The following ENOX2 variants were observed in gnomAD, a reference collection of about 807,000 sequenced individuals.
The protein encoded by ENOX2 is APK1 antigen.
A neutral mutation model predicts 45.0 loss-of-function variants in ENOX2; 36 were observed. That is an observed-to-expected ratio of 0.80 (90% CI 0.61 to 1.06). The LOEUF (loss-of-function observed/expected upper bound fraction) is 1.06. ENOX2 is among the 50% of genes least tolerant of loss of function. ENOX2 has a pLI of 0.00. For synonymous variants in ENOX2, 174 were observed against 152.3 expected, an observed-to-expected ratio of 1.14 and a Z score of -1.05; for missense variants, 423 against 462.5, an observed-to-expected ratio of 0.91 and a Z score of 0.78.
At chrX:130,713,490 G>A (rs1206637799) in intron 3 of ENOX2, among the ~76,000 whole-genome samples, 1 of 111,784 alleles carries the variant, frequency 8.9e-6, no homozygotes, top group African/African-American at 3.3e-5. Context: ...TTAGAGGGCT[G>A]CCTCAGCTAC....
intron 3 of ENOX2, among the ~76,000 whole-genome samples, chrX:130,728,836 C>G (rs2038667792): frequency 9.0e-6 from 1 of 111,423 alleles, no homozygotes; most frequent in African/African-American, 3.3e-5. Context: ...TTTTCTTTTT[C>G]AGGAGGTAAA....
At position 130,755,005 on chromosome X, in the gene ENOX2, C is replaced by T. The variant is rs145635378; in HGVS notation, c.-39+28542G>A. On this transcript the variant is annotated intron_variant, in intron 3 of 14. Coordinates refer to ENST00000394363, the MANE Select transcript of ENOX2 (RefSeq NM_006375.4). ...GAGAAACTAGGAGTTAAGGGACAGA[C>T]TGCATCACATAAAATATAGAGTCTG... 4.5e-4 allele frequency among the ~76,000 whole-genome samples: 50 copies of T among 112,268 alleles called. No homozygotes were observed. The East Asian group carries it at 0.011, about 24-fold the overall frequency.
rs755030776 is a variant in ENOX2 at position 130,893,734 on chromosome X, C to T, written c.-183+7950G>A. Among the ~76,000 whole-genome samples, 4 of 112,169 alleles carry T rather than the reference C, an allele frequency of 3.6e-5. No individual in the cohort carries two copies. The Admixed American group carries it at 3.8e-4, about 11-fold the overall frequency. On this transcript the variant is annotated intron_variant, in intron 2 of 14. Coordinates refer to ENST00000394363, the MANE Select transcript of ENOX2 (RefSeq NM_006375.4). ...GTTTTATATTCATGTACATCTGGTA[C>T]GTCTATCCACTTCCCATATCTGGAT...
intron 3 of ENOX2, among the ~76,000 whole-genome samples, chrX:130,731,973 A>G (rs970400780): frequency 2.7e-5 from 3 of 111,920 alleles, no homozygotes; most frequent in Non-Finnish European, 5.6e-5. Context: ...CACCACTTCT[A>G]TTCAACATAC....
At chrX:130,871,650 T>C (rs1272386316) in intron 2 of ENOX2, among the ~76,000 whole-genome samples, 2 of 110,990 alleles carry the variant, frequency 1.8e-5, no homozygotes, top group African/African-American at 6.5e-5. Context: ...TAACTAATAT[T>C]ATGTGCCTTT....
At chrX:130,844,271 C>T (rs1228435428) in intron 2 of ENOX2, among the ~76,000 whole-genome samples, 1 of 111,769 alleles carries the variant, frequency 8.9e-6, no homozygotes, top group Non-Finnish European at 1.9e-5. Flanking sequence ...TTAGTCCCTC[C>T]ACCCGCTTCC....
intron 3 of ENOX2, among the ~76,000 whole-genome samples, chrX:130,732,058 T>A (rs2038749171): frequency 8.9e-6 from 1 of 111,875 alleles, no homozygotes. Context: ...AAAGGTAAAT[T>A]ATCCCTGTTT....
rs992940653 is a variant in ENOX2 at position 130,623,425 on chromosome X, T to TTACA, written c.*1885_*1888dup. On this transcript the variant is annotated 3_prime_UTR_variant, in exon 15 of 15. Coordinates refer to ENST00000394363, the MANE Select transcript of ENOX2 (RefSeq NM_006375.4). The stretch of plus-strand genomic sequence containing the variant: ...TACATGTGCAGGATGTGCAGGTTTG[T>TTACA]TACATAGGTGAACGTGTGCCATGGT... The TTACA allele has an allele frequency of 5.4e-5, 6 of 111,031 alleles. No individual in the cohort carries two copies. The highest frequency in any genetic ancestry group is 1.6e-4 in the African/African-American group (5 of 30,435). The allele number at this position is 111,031 out of a possible 1,213,427, so 9.2% of individuals were successfully genotyped here.
intron 9 of ENOX2, among the ~76,000 whole-genome samples, chrX:130,659,705 T>C (rs1028750851): frequency 1.8e-5 from 2 of 112,499 alleles, no homozygotes; most frequent in Admixed American, 1.9e-4. Context: ...TGTAGACTAT[T>C]GGAGAGTATA....
intron 2 of ENOX2, among the ~76,000 whole-genome samples, chrX:130,831,136 G>A (rs1401735944): frequency 9.0e-6 from 1 of 110,599 alleles, no homozygotes; most frequent in African/African-American, 3.3e-5. Flanking sequence ...ATCCAGTCCT[G>A]TGGCACTAAC....
chrX:130,812,074 A>G (rs182755522), intron 2 of ENOX2, among the ~76,000 whole-genome samples: 32 of 112,160 alleles, frequency 2.9e-4, no homozygotes, highest in African/African-American at 1.0e-3. Context: ...ATGGGGTAGC[A>G]TCAATAGAGC....
At chrX:130,707,921 C>T (rs1056322980) in intron 3 of ENOX2, among the ~76,000 whole-genome samples, 2 of 111,878 alleles carry the variant, frequency 1.8e-5, no homozygotes, top group Non-Finnish European at 1.9e-5. Context: ...TGCCTGCCTT[C>T]CAGTCTTCCT....
chrX:130,843,209 T>A, intron 2 of ENOX2, among the ~76,000 whole-genome samples: 1 of 111,724 alleles, frequency 9.0e-6, no homozygotes, highest in East Asian at 2.8e-4. Flanking sequence ...ACACCCCACC[T>A]AGCTGCCCAA....
At chrX:130,632,925 AC>A (rs1342708732) in intron 12 of ENOX2, among the ~76,000 whole-genome samples, 3 of 112,088 alleles carry the variant, frequency 2.7e-5, no homozygotes, top group Non-Finnish European at 5.6e-5. Flanking sequence ...CCCCCTTAAA[AC>A]ATTAAATGAT....
chrX:130,678,261 A>T (rs1217176522), intron 6 of ENOX2, among the ~76,000 whole-genome samples: 1 of 111,385 alleles, frequency 9.0e-6, no homozygotes, highest in Non-Finnish European at 1.9e-5. Flanking sequence ...CTTCTGGGTT[A>T]GACTAATATT....
intron 3 of ENOX2, among the ~76,000 whole-genome samples, chrX:130,782,559 T>C (rs1312456118): frequency 8.9e-6 from 1 of 112,067 alleles, no homozygotes; most frequent in African/African-American, 3.2e-5. Flanking sequence ...ATTTAACAAA[T>C]ATCTTGATTT....
At chrX:130,840,244 T>C (rs1268333467) in intron 2 of ENOX2, among the ~76,000 whole-genome samples, 1 of 111,718 alleles carries the variant, frequency 9.0e-6, no homozygotes, top group African/African-American at 3.3e-5. Context: ...AAGTGAATTT[T>C]AGATGAAGTA....
At chrX:130,742,308 G>C (rs1241069363) in intron 3 of ENOX2, among the ~76,000 whole-genome samples, 1 of 78,933 alleles carries the variant, frequency 1.3e-5, no homozygotes, top group African/African-American at 5.2e-5. Flanking sequence ...TCTTTACAGT[G>C]AATCTTTCAC....
In ENOX2 at chrX:130,674,004, A is replaced by C. The variant is rs780074080; in HGVS notation, c.461-3806T>G. Among the ~76,000 whole-genome samples the C allele has an allele frequency of 3.6e-5, 4 of 112,379 alleles. No homozygotes were observed. The South Asian group carries it at 1.1e-3, about 31-fold the overall frequency. On this transcript the variant is annotated intron_variant, in intron 6 of 14. Coordinates refer to ENST00000394363, the MANE Select transcript of ENOX2 (RefSeq NM_006375.4). ...GGATGTGTGAATTTAGTAATACTTT[A>C]AAATGTAAATGCAGGCTATTATCCT...
Sources: allele counts gnomAD v4.1 joint callset (sites outside exome capture counted in the v4.1 genomes callset), GRCh38; gene constraint gnomAD v4.1.1; transcripts MANE v1.5; gene names NCBI Gene and HGNC (gene_info 2026-07-23, HGNC 2026-07-21).